Variants in MARCHF1 observed in about 807,000 individuals in gnomAD.
MARCHF1 encodes the protein E3 ubiquitin-protein ligase MARCHF1.
MARCHF1 carries 40 observed loss-of-function variants against 54.2 expected under a neutral mutation model. The ratio of observed to expected loss-of-function variants is 0.74; its 90% confidence interval spans 0.57 to 0.96. The LOEUF is 0.96. Ranked by LOEUF, MARCHF1 falls within the 40% of genes least tolerant of loss-of-function variation. The probability of loss-of-function intolerance (pLI) is 0.00; values close to 1 mark genes in which losing one functional copy is unlikely to be tolerated. For missense variants in MARCHF1, 586 were observed against 656.5 expected (o/e 0.89, Z 1.17); for synonymous variants, 236 against 236.3 (o/e 1.00, Z 0.01).
intron 2 of MARCHF1, among the ~76,000 whole-genome samples, chr4:163,999,478 G>A (rs981993446): frequency 6.6e-6 from 1 of 151,360 alleles, no homozygotes; most frequent in African/African-American, 2.4e-5. Flanking sequence ...CAGTAAAACT[G>A]GGTATCTTTT....
intron 4 of MARCHF1, among the ~76,000 whole-genome samples, chr4:163,801,090 C>A (rs1429193966): frequency 2.0e-5 from 3 of 152,024 alleles, no homozygotes; most frequent in Non-Finnish European, 4.4e-5. Flanking sequence ...TAACTTTATT[C>A]TTTCTTTTGG....
intron 3 of MARCHF1, among the ~76,000 whole-genome samples, chr4:163,941,522 C>G (rs150915465): frequency 6.6e-6 from 1 of 152,072 alleles, no homozygotes; most frequent in Non-Finnish European, 1.5e-5. Context: ...ATGACTCTTC[C>G]TGCTTTCATA....
intron 7 of MARCHF1, among the ~76,000 whole-genome samples, chr4:163,591,280 G>T (rs1355004601): frequency 6.6e-6 from 1 of 151,778 alleles, no homozygotes; most frequent in Non-Finnish European, 1.5e-5. Context: ...TCATACCTTT[G>T]ACACCTTCCC....
At chr4:163,552,395 A>G (rs932294789) in intron 8 of MARCHF1, among the ~76,000 whole-genome samples, 2 of 152,184 alleles carry the variant, frequency 1.3e-5, no homozygotes, top group African/African-American at 2.4e-5. Flanking sequence ...CGGGGGAAGT[A>G]GTTAACTGAG....
intron 4 of MARCHF1, among the ~76,000 whole-genome samples, chr4:163,847,549 C>CTTTTTTTTTTTTTTTTTTTTTTTT (rs747963284): frequency 1.6e-5 from 1 of 63,630 alleles, no homozygotes; most frequent in African/African-American, 6.9e-5. Context: ...TTACAGTTTG[C>CTTTTTTTTTTTTTTTTTTTTTTTT]TTTTTTTTTT....
At chr4:163,606,260 A>T (rs1741137811) in intron 7 of MARCHF1, among the ~76,000 whole-genome samples, 1 of 152,056 alleles carries the variant, frequency 6.6e-6, no homozygotes, top group African/African-American at 2.4e-5. Flanking sequence ...CCGAATTCCC[A>T]TTATTGTCTC....
intron 3 of MARCHF1, among the ~76,000 whole-genome samples, chr4:163,919,981 A>G (rs1560819618): frequency 6.6e-6 from 1 of 152,220 alleles, no homozygotes; most frequent in African/African-American, 2.4e-5. Flanking sequence ...TTGGTAGGTG[A>G]TAAGTCTTCT....
chr4:163,700,534 AAGGAAGGAAG>A (rs1355216765), intron 5 of MARCHF1, among the ~76,000 whole-genome samples: 3 of 61,696 alleles, frequency 4.9e-5, no homozygotes, highest in Non-Finnish European at 1.1e-4. Context: ...AGAAAGAAGG[AAGGAAGGAAG>A]GAAGGAAGGA....
intron 1 of MARCHF1, among the ~76,000 whole-genome samples, chr4:164,184,264 A>G (rs972949605): frequency 8.5e-5 from 13 of 152,144 alleles, no homozygotes; most frequent in Admixed American, 3.3e-4. Flanking sequence ...CACTCACCCC[A>G]TTGATTATAG....
At chr4:164,127,022 C>A (rs1182172613) in intron 1 of MARCHF1, among the ~76,000 whole-genome samples, 2 of 145,922 alleles carry the variant, frequency 1.4e-5, no homozygotes, top group African/African-American at 5.1e-5. Context: ...CCATTGCACT[C>A]TACCCTGGGC....
At chr4:163,750,553 T>TAAATAAAC (rs869281701) in intron 4 of MARCHF1, among the ~76,000 whole-genome samples, 7 of 145,526 alleles carry the variant, frequency 4.8e-5, no homozygotes, top group Non-Finnish European at 1.1e-4. Context: ...AATAAATAAA[T>TAAATAAAC]AAACGTATCT....
At chr4:163,598,712 C>G (rs1740851327) in intron 7 of MARCHF1, among the ~76,000 whole-genome samples, 2 of 152,184 alleles carry the variant, frequency 1.3e-5, no homozygotes, top group Admixed American at 1.3e-4. Context: ...CTGGATGAGT[C>G]AGTGAGTGAT....
chr4:163,608,632 A>G (rs1201268172), intron 7 of MARCHF1, among the ~76,000 whole-genome samples: 1 of 152,082 alleles, frequency 6.6e-6, no homozygotes, highest in Non-Finnish European at 1.5e-5. Flanking sequence ...TAATAGTATG[A>G]TGAGTTAAAT....
intron 3 of MARCHF1, chr4:163,932,822 T>C: frequency 1.6e-6 from 1 of 621,528 alleles, no homozygotes; most frequent in East Asian, 4.0e-5. Context: ...AATTGTTGGA[T>C]AAATATTTAA....
chr4:163,810,933 T>G (rs1197612163), intron 4 of MARCHF1, among the ~76,000 whole-genome samples: 1 of 151,858 alleles, frequency 6.6e-6, no homozygotes, highest in African/African-American at 2.4e-5. Flanking sequence ...CTTCCGTCAA[T>G]GCCAGGGAGT....
At chr4:164,279,766 C>T (rs1409378053) in intron 1 of MARCHF1, among the ~76,000 whole-genome samples, 3 of 151,408 alleles carry the variant, frequency 2.0e-5, no homozygotes, top group African/African-American at 7.3e-5. Context: ...AAAAAAGTAA[C>T]TGCTATATTG....
intron 1 of MARCHF1, among the ~76,000 whole-genome samples, chr4:164,340,405 T>TTATATACATA (rs58808830): frequency 9.4e-5 from 9 of 95,650 alleles, no homozygotes; most frequent in African/African-American, 2.5e-4. Flanking sequence ...AGGCCTTGAT[T>TTATATACATA]TATATATAGA....
intron 1 of MARCHF1, among the ~76,000 whole-genome samples, chr4:164,253,876 A>C (rs1733192790): frequency 6.6e-6 from 1 of 152,178 alleles, no homozygotes; most frequent in South Asian, 2.1e-4. Context: ...AACACACACA[A>C]TTTAGATGCC....
chr4:164,198,316 C>T (rs190604850), intron 1 of MARCHF1, among the ~76,000 whole-genome samples: 1 of 152,228 alleles, frequency 6.6e-6, no homozygotes, highest in East Asian at 1.9e-4. Flanking sequence ...TCAGATTATA[C>T]CTAAAACCAA....
Sources: gnomAD v4.1 joint callset for allele counts (sites outside exome capture counted in the v4.1 genomes callset) on GRCh38, gnomAD v4.1.1 for gene constraint, MANE v1.5 for transcripts, NCBI Gene and HGNC (gene_info 2026-07-23, HGNC 2026-07-21) for gene names.